The following PHF24 variants were observed in gnomAD, a reference collection of about 807,000 sequenced individuals.
PHF24 encodes Galpha inhibitory interacting protein.
PHF24 carries 25 observed loss-of-function variants against 42.6 expected under a neutral mutation model. That is an observed-to-expected ratio of 0.59 (90% CI 0.43 to 0.82). PHF24 has a LOEUF of 0.82. PHF24 is among the 40% of genes least tolerant of loss of function. The pLI, the probability that PHF24 is intolerant of heterozygous loss-of-function variation, is 0.00. For synonymous variants in PHF24, 185 were observed against 204.8 expected, an observed-to-expected ratio of 0.90 and a Z score of 0.83; for missense variants, 470 against 538.1, an observed-to-expected ratio of 0.87 and a Z score of 1.25.
At chr9:34,961,733 T>C (rs1826595284) in intron 1 of PHF24, among the ~76,000 whole-genome samples, 1 of 152,254 alleles carries the variant, frequency 6.6e-6, no homozygotes, top group Admixed American at 6.5e-5. Context: ...CCAAAATTAC[T>C]TTTGCCCATA....
At chr9:34,982,309 GAACACTTGAGC>G (rs1827422573) in exon 8 of PHF24, 1 of 152,202 alleles carries the variant, frequency 6.6e-6, no homozygotes, top group African/African-American at 2.4e-5. Context: ...GGGACTCTGA[GAACACTTGAGC>G]AACACTTGGG....
the PHF24 span, among the ~76,000 whole-genome samples, chr9:34,948,404 C>T: frequency 0.038 from 5,728 of 152,294 alleles, 164 homozygotes; most frequent in Non-Finnish European, 0.06. Flanking sequence ...TCACTCACCA[C>T]CCACTCACTG....
the PHF24 span, among the ~76,000 whole-genome samples, chr9:34,762,586 T>G: frequency 6.1e-5 from 9 of 147,116 alleles, no homozygotes; most frequent in East Asian, 3.9e-4. Context: ...CATTGTAGAT[T>G]CTGGATATTA....
the PHF24 span, chr9:34,723,736 AC>A: frequency 6.4e-7 from 1 of 1,551,694 alleles, no homozygotes; most frequent in South Asian, 1.2e-5. Flanking sequence ...GGAAAGGCTG[AC>A]CCTGTGAAGC....
chr9:34,761,707 T>C, the PHF24 span, among the ~76,000 whole-genome samples: 2 of 152,162 alleles, frequency 1.3e-5, no homozygotes, highest in African/African-American at 4.8e-5. Context: ...AATTTTATTA[T>C]TATTATACGT....
At chr9:34,809,042 A>AAAT in the PHF24 span, among the ~76,000 whole-genome samples, 6 of 101,006 alleles carry the variant, frequency 5.9e-5, no homozygotes, top group East Asian at 4.8e-4. The surrounding 1 kb of genome is among the most constrained non-coding windows in gnomAD (Gnocchi z 4.1). Context: ...TATAATAAAA[A>AAAT]AAAAAAATAA....
chr9:34,802,685 C>T, the PHF24 span, among the ~76,000 whole-genome samples: 7 of 152,178 alleles, frequency 4.6e-5, no homozygotes, highest in Admixed American at 4.6e-4. Context: ...TGCCAGGTTA[C>T]AATCTGAAGA....
At chr9:34,836,110 A>C in the PHF24 span, 1 of 487,616 alleles carries the variant, frequency 2.1e-6, no homozygotes, top group South Asian at 1.6e-5. Flanking sequence ...TTCTTGGAAG[A>C]GTGTGGGCTA....
chr9:34,723,820 G>A, the PHF24 span: 3 of 1,551,714 alleles, frequency 1.9e-6, no homozygotes, highest in Admixed American at 2.0e-5. Flanking sequence ...TGGTTTGACT[G>A]TCTTGCAGGT....
chr9:34,666,402 C>T, the PHF24 span, among the ~76,000 whole-genome samples: 1 of 152,074 alleles, frequency 6.6e-6, no homozygotes, highest in Non-Finnish European at 1.5e-5. Context: ...CTTGTATGAC[C>T]CTGGGCCGAG....
the PHF24 span, among the ~76,000 whole-genome samples, chr9:34,686,716 C>G: frequency 6.6e-6 from 1 of 152,138 alleles, no homozygotes; most frequent in Non-Finnish European, 1.5e-5. Context: ...GAACCTGTAA[C>G]AGATGCCATG....
the PHF24 span, among the ~76,000 whole-genome samples, chr9:34,813,883 G>A: frequency 2.8e-5 from 1 of 36,108 alleles, no homozygotes; most frequent in African/African-American, 5.3e-5. Context: ...GTTAGAGACC[G>A]TCCCCACCAA....
chr9:34,740,929 A>G, the PHF24 span, among the ~76,000 whole-genome samples: 1 of 151,092 alleles, frequency 6.6e-6, no homozygotes, highest in Non-Finnish European at 1.5e-5. Context: ...CTTGTCGCCC[A>G]GATTGGAGTG....
chr9:34,701,646 G>A, the PHF24 span, among the ~76,000 whole-genome samples: 3 of 152,124 alleles, frequency 2.0e-5, no homozygotes, highest in East Asian at 1.9e-4. This position sits in a 1 kb window ranked among gnomAD's most constrained non-coding sequence, Gnocchi z 5.8. Context: ...CCCCGCGCGC[G>A]GGCCGGGCGT....
At chr9:34,755,152 AG>A in the PHF24 span, among the ~76,000 whole-genome samples, 1 of 152,196 alleles carries the variant, frequency 6.6e-6, no homozygotes, top group Non-Finnish European at 1.5e-5. Flanking sequence ...AGCACTTCAG[AG>A]TGACTATAGT....
the PHF24 span, among the ~76,000 whole-genome samples, chr9:34,907,910 T>C: frequency 2.0e-5 from 3 of 152,142 alleles, no homozygotes; most frequent in African/African-American, 7.2e-5. Context: ...TGGCATGATC[T>C]CGGCTCACTG....
the PHF24 span, among the ~76,000 whole-genome samples, chr9:34,758,133 C>T: frequency 6.6e-6 from 1 of 152,142 alleles, no homozygotes; most frequent in East Asian, 1.9e-4. This position sits in a 1 kb window ranked among gnomAD's most constrained non-coding sequence, Gnocchi z 4.4. Flanking sequence ...ATTCATCAGG[C>T]CAGGAGCATA....
At chr9:34,776,729 T>A in the PHF24 span, among the ~76,000 whole-genome samples, 1 of 152,238 alleles carries the variant, frequency 6.6e-6, no homozygotes, top group Admixed American at 6.5e-5. Context: ...TGCTGGTGAA[T>A]TATTGAATTC....
At chr9:34,850,752 G>C in the PHF24 span, among the ~76,000 whole-genome samples, 7 of 152,156 alleles carry the variant, frequency 4.6e-5, no homozygotes, top group African/African-American at 4.8e-5. Context: ...GGTCTTTGAT[G>C]ATGGTGATGG....
Sources: allele counts gnomAD v4.1 joint callset (sites outside exome capture counted in the v4.1 genomes callset), GRCh38; gene constraint gnomAD v4.1.1; non-coding constraint Gnocchi (gnomAD v3.1); transcripts MANE v1.5; gene names NCBI Gene and HGNC (gene_info 2026-07-23, HGNC 2026-07-21).